Variants in SHF observed in about 807,000 individuals in gnomAD.
The protein encoded by SHF is Src homology 2 domain containing F.
A neutral mutation model predicts 42.4 loss-of-function variants in SHF; 30 were observed. The observed-to-expected ratio is 0.71, with a 90% CI of 0.53 to 0.96. SHF has a LOEUF of 0.96. Ranked by LOEUF, SHF falls within the 40% of genes least tolerant of loss-of-function variation. The pLI, the probability that SHF is intolerant of heterozygous loss-of-function variation, is 0.00. For missense variants in SHF, 598 were observed against 634.0 expected (o/e 0.94, Z 0.61); for synonymous variants, 264 against 269.9 (o/e 0.98, Z 0.21).
In SHF at chr15:45,187,716, GGGGGGCGGTAGTC is replaced by G; in HGVS notation, c.223_235del (p.Asp75LeufsTer89). The G allele has an allele frequency of 9.1e-7, 1 of 1,099,952 alleles. No individual in the cohort carries two copies. Among genetic ancestry groups the G allele is most frequent in the Non-Finnish European group, 1.1e-6 (1 of 870,146 alleles). 68.1% of individuals were successfully genotyped at this position (1,099,952 alleles called of 1,614,324 possible). On this transcript the variant is annotated frameshift_variant, in exon 1 of 7. Coordinates refer to ENST00000690270, the MANE Select transcript of SHF (RefSeq NM_001394037.1). LOFTEE classifies it high-confidence loss of function. Reference sequence around the variant, plus strand: ...GGGGGGCGCGGCCGGAGAGGGCGCAGGGGGGCGGTAGTCGGGCTCGGGGGGCGCCGGCTTGCTG... The same window carrying G: ...GGGGGGCGCGGCCGGAGAGGGCGCAGGGGCTCGGGGGGCGCCGGCTTGCTG...
Position 45,171,902 on chromosome 15 carries a change from C to G in SHF, c.1261G>C (p.Asp421His), listed in dbSNP as rs1254750143. 6.2e-7 allele frequency: 1 copy of G among 1,613,362 alleles called. No individual in the cohort carries two copies. The highest frequency in any genetic ancestry group is 8.5e-7 in the Non-Finnish European group (1 of 1,179,822). The part of the protein sequence containing the change: ...LVRNSETSKN[D>H]FSLSLKSSQG... ...ACTCACTTGAGGGAGAGGGAGAAGT[C>G]ATTCTTGCTGGTCTCACTGTTGCGC... Residue 421 changes from aspartate to histidine, a missense_variant, in exon 6 of 7, where the codon GAC becomes CAC. Physicochemically the swap from Asp to His is moderately conservative, Grantham distance 81 (BLOSUM62 -1). This residue lies in a region of SHF where 439 missense variants were observed against 524.6 expected (regional missense o/e 0.84). Coordinates refer to ENST00000690270, the MANE Select transcript of SHF (RefSeq NM_001394037.1).
Position 45,187,692 on chromosome 15 carries a change from G to C in SHF, c.260C>G (p.Pro87Arg). 8.2e-7 allele frequency: 1 copy of C among 1,212,704 alleles called. No homozygotes were observed. Among genetic ancestry groups the C allele is most frequent in the Non-Finnish European group, 1.0e-6 (1 of 971,998 alleles). The allele number at this position is 1,212,704 out of a possible 1,614,324, so 75.1% of individuals were successfully genotyped here. ...GGCCAGGATGTCCGGGGGCGGCGCG[G>C]GGGGCGCGGCCGGAGAGGGCGCAGG... ...RPPAPSPAAP[P>R]APPPDILAAY... Residue 87 changes from proline (P) to arginine (R), a missense_variant, in exon 1 of 7, where the codon CCC (proline) becomes CGC (arginine). Coordinates refer to ENST00000690270, the MANE Select transcript of SHF (RefSeq NM_001394037.1).
intron 1 of SHF, among the ~76,000 whole-genome samples, chr15:45,179,009 GT>G (rs1014609956): frequency 1.3e-5 from 2 of 152,276 alleles, no homozygotes; most frequent in Non-Finnish European, 2.9e-5. Flanking sequence ...TTACAAAGGT[GT>G]TGGAAGAGTT....
At position 45,167,870 on chromosome 15, in the gene SHF, G is replaced by A. The variant is rs1897299031; in HGVS notation, c.*77C>T. On this transcript the variant is annotated 3_prime_UTR_variant, in exon 7 of 7. Coordinates refer to ENST00000690270, the MANE Select transcript of SHF (RefSeq NM_001394037.1). ...GAAAGGTTTGAAAGATCACGTCCCT[G>A]GCAAGAGCCACAGCCCTCAGCCAGG... The A allele has an allele frequency of 7.5e-7, 1 of 1,334,240 alleles. No homozygotes were observed. The highest frequency in any genetic ancestry group is 2.0e-5 in the South Asian group (1 of 49,128). 82.7% of individuals were successfully genotyped at this position (1,334,240 alleles called of 1,614,324 possible). A position where few individuals can be genotyped will look rare whatever the true frequency, so the allele number is the denominator to read the frequency against.
In SHF at chr15:45,187,690, C is replaced by G; in HGVS notation, c.262G>C (p.Ala88Pro). 2 of 1,199,262 alleles carry G rather than the reference C, an allele frequency of 1.7e-6. No individual in the cohort carries two copies. Among genetic ancestry groups the G allele is most frequent in the Non-Finnish European group, 2.1e-6 (2 of 964,290 alleles). The allele number at this position is 1,199,262 out of a possible 1,614,324, so 74.3% of individuals were successfully genotyped here. A position where few individuals can be genotyped will look rare whatever the true frequency, so the allele number is the denominator to read the frequency against. Residue 88 changes from alanine to proline, a missense_variant, in exon 1 of 7, where the codon GCG becomes CCG. By Grantham distance (27) the Ala-to-Pro change is conservative. Around this residue, in one of 2 missense-constraint regions of SHF, gnomAD observed 159 missense variants for 109.3 expected, o/e 1.45. Coordinates refer to ENST00000690270, the MANE Select transcript of SHF (RefSeq NM_001394037.1). ...GCGGCCAGGATGTCCGGGGGCGGCG[C>G]GGGGGGCGCGGCCGGAGAGGGCGCA... is the stretch of plus-strand genomic sequence containing the variant. ...PPAPSPAAPP[A>P]PPPDILAAYR...
chr15:45,178,052 C>G, intron 2 of SHF, 113 bp downstream of exon 2: 1 of 1,400,892 alleles, frequency 7.1e-7, no homozygotes, highest in African/African-American at 1.4e-5. Flanking sequence ...CTGGAAAAGA[C>G]TTTCTCCATA....
At chr15:45,173,479 C>T in intron 4 of SHF, 97 bp downstream of exon 4, 1 of 1,419,714 alleles carries the variant, frequency 7.0e-7, no homozygotes, top group South Asian at 1.5e-5. Flanking sequence ...CCTGGGGTCT[C>T]CAAATCCTGC....
At chr15:45,182,714 G>A (rs1292950107) in intron 1 of SHF, among the ~76,000 whole-genome samples, 1 of 152,142 alleles carries the variant, frequency 6.6e-6, no homozygotes, top group Non-Finnish European at 1.5e-5. Context: ...GTTTAATTCT[G>A]TAATTTCCCA....
At chr15:45,174,026 A>ACTTT (rs1897664264) in intron 3 of SHF, among the ~76,000 whole-genome samples, 1 of 152,128 alleles carries the variant, frequency 6.6e-6, no homozygotes, top group African/African-American at 2.4e-5. Context: ...CAGGGCCCAA[A>ACTTT]GGTACCAGGA....
At chr15:45,189,107 C>T (rs554518130), upstream of SHF, among the ~76,000 whole-genome samples, 67 of 150,870 alleles carry the variant, frequency 4.4e-4, no homozygotes, top group African/African-American at 1.6e-3. Context: ...GCAGGAGAAT[C>T]GCTTGAACCC....
At chr15:45,181,441 G>T (rs1454381941) in intron 1 of SHF, among the ~76,000 whole-genome samples, 1 of 152,214 alleles carries the variant, frequency 6.6e-6, no homozygotes, top group Non-Finnish European at 1.5e-5. Context: ...AGGTCCCCAG[G>T]ATAGACTGCT....
At chr15:45,179,919 G>A (rs1898035259) in intron 1 of SHF, among the ~76,000 whole-genome samples, 1 of 152,128 alleles carries the variant, frequency 6.6e-6, no homozygotes, top group Non-Finnish European at 1.5e-5. Flanking sequence ...CAGAGATGAA[G>A]AAAGGAACCT....
chr15:45,177,654 G>C (rs1042031199), intron 2 of SHF, among the ~76,000 whole-genome samples: 1 of 151,990 alleles, frequency 6.6e-6, no homozygotes, highest in Non-Finnish European at 1.5e-5. Flanking sequence ...GACCCACCCT[G>C]TCCTCTCTGA....
intron 1 of SHF, among the ~76,000 whole-genome samples, chr15:45,199,408 T>C (rs904621263): frequency 1.3e-5 from 2 of 152,196 alleles, no homozygotes; most frequent in East Asian, 3.9e-4. Flanking sequence ...ACTCAGAAGG[T>C]GCCATTGGCA....
chr15:45,193,088 A>G (rs914888444), intron 2 of SHF, among the ~76,000 whole-genome samples: 1 of 152,242 alleles, frequency 6.6e-6, no homozygotes, highest in African/African-American at 2.4e-5. Flanking sequence ...TTCAAGCAAC[A>G]TATTACCCCA....
At chr15:45,187,343 C>T (rs980635875) in intron 1 of SHF, 111 bp downstream of exon 1, 1 of 1,091,454 alleles carries the variant, frequency 9.2e-7, no homozygotes, top group South Asian at 4.8e-5. Context: ...TCGCGTCTGC[C>T]AGAAGCTGAG....
At chr15:45,185,038 A>AACT (rs2141408644) in intron 1 of SHF, among the ~76,000 whole-genome samples, 1 of 152,262 alleles carries the variant, frequency 6.6e-6, no homozygotes, top group East Asian at 1.9e-4. Flanking sequence ...CCCCCATACT[A>AACT]ACTGGGTTTC....
Position 45,168,112 on chromosome 15 carries a change from G to GA in SHF, c.1301_1302insT (p.Met435HisfsTer25). On this transcript the variant is annotated frameshift_variant, in exon 7 of 7. Coordinates refer to ENST00000690270, the MANE Select transcript of SHF (RefSeq NM_001394037.1). LOFTEE classifies it high-confidence loss of function. ...GTTCCTTGGTTCGGGACAGCTTCATGTGCATGAATCCCTGGCTGCTCCTGG... is the reference window on the plus strand; with the variant it reads ...GTTCCTTGGTTCGGGACAGCTTCATGATGCATGAATCCCTGGCTGCTCCTGG... 1 of 1,601,516 alleles carries GA rather than the reference G, an allele frequency of 6.2e-7. No homozygotes were observed. The highest frequency in any genetic ancestry group is 8.5e-7 in the Non-Finnish European group (1 of 1,172,222).
At chr15:45,186,467 A>G (rs1205008771) in intron 1 of SHF, among the ~76,000 whole-genome samples, 1 of 152,224 alleles carries the variant, frequency 6.6e-6, no homozygotes, top group East Asian at 1.9e-4. Context: ...GGGTGAGTGA[A>G]GAAGGACAGC....
Sources: allele counts gnomAD v4.1 joint callset (sites outside exome capture counted in the v4.1 genomes callset), GRCh38; gene constraint gnomAD v4.1.1; regional missense constraint gnomAD v4.1.1; transcripts MANE v1.5; gene names NCBI Gene and HGNC (gene_info 2026-07-23, HGNC 2026-07-21).